The following GCH1 variants were observed in gnomAD, a reference collection of about 807,000 sequenced individuals.
GCH1 encodes GTP cyclohydrolase 1.
GCH1 carries 5 observed loss-of-function variants against 25.9 expected under a neutral mutation model. The observed-to-expected ratio is 0.19, with a 90% CI of 0.10 to 0.41. The LOEUF (loss-of-function observed/expected upper bound fraction) is 0.41, where lower values mean the gene tolerates loss of function less well. GCH1 is among the 10% of genes least tolerant of loss of function. The pLI, the probability that GCH1 is intolerant of heterozygous loss-of-function variation, is 1.00. For synonymous variants in GCH1, 159 were observed against 129.6 expected (o/e 1.23, Z -1.54); for missense variants, 261 against 336.5 (o/e 0.78, Z 1.75).
chr14:54,869,336 G>A (rs148038271), intron 1 of GCH1, among the ~76,000 whole-genome samples: 1 of 152,258 alleles, frequency 6.6e-6, no homozygotes, highest in East Asian at 1.9e-4. Flanking sequence ...ACCATGCCCA[G>A]CCAGTATTAA....
chr14:54,894,322 A>C (rs559781252), intron 1 of GCH1, among the ~76,000 whole-genome samples: 50 of 152,278 alleles, frequency 3.3e-4, no homozygotes, highest in African/African-American at 1.2e-3. Context: ...CAGCGACTGG[A>C]GTGACGCAGC....
Position 54,902,510 on chromosome 14 carries a change from C to A in GCH1, c.154G>T (p.Gly52Cys), listed in dbSNP as rs375788167. ...PEAKSAQPAD[G>C]WKGERPRSEE... is the part of the protein sequence containing the mutation. Reference sequence around the variant, plus strand: ...CTGCGGGGCCGCTCGCCCTTCCAGCCGTCCGCGGGCTGCGCGCTCTTGGCC... The same window carrying A: ...CTGCGGGGCCGCTCGCCCTTCCAGCAGTCCGCGGGCTGCGCGCTCTTGGCC... Residue 52 changes from glycine (G) to cysteine (C), a missense_variant, in exon 1 of 6, where the codon GGC (glycine) becomes TGC (cysteine). Around this residue, in one of 3 missense-constraint regions of GCH1, gnomAD observed 125 missense variants for 128.7 expected, o/e 0.97. Coordinates refer to ENST00000491895, the MANE Select transcript of GCH1 (RefSeq NM_000161.3). 2.5e-6 allele frequency: 4 copies of A among 1,598,860 alleles called. No individual in the cohort carries two copies. Among genetic ancestry groups the A allele is most frequent in the Non-Finnish European group, 3.4e-6 (4 of 1,174,300 alleles).
intron 1 of GCH1, chr14:54,878,088 C>G (rs1214409688): frequency 6.5e-6 from 1 of 154,672 alleles, no homozygotes; most frequent in Non-Finnish European, 1.5e-5. Flanking sequence ...ACAAACAGAC[C>G]TGTTTCTGCT....
At chr14:54,865,820 T>C (rs921484387) in intron 1 of GCH1, among the ~76,000 whole-genome samples, 18 of 152,190 alleles carry the variant, frequency 1.2e-4, no homozygotes, top group African/African-American at 4.1e-4. Flanking sequence ...ATAATCAATA[T>C]GTAGAAAACC....
At chr14:54,895,395 G>A (rs1173319303) in intron 1 of GCH1, among the ~76,000 whole-genome samples, 1 of 152,172 alleles carries the variant, frequency 6.6e-6, no homozygotes, top group Non-Finnish European at 1.5e-5. Context: ...ACTTTAACTG[G>A]AAATGTGACA....
At chr14:54,863,797 T>G (rs1454533995) in intron 2 of GCH1, among the ~76,000 whole-genome samples, 1 of 152,076 alleles carries the variant, frequency 6.6e-6, no homozygotes. Context: ...AGAAAAGAAA[T>G]GAGGTGAGCT....
intron 3 of GCH1, among the ~76,000 whole-genome samples, chr14:54,852,175 A>G (rs149708399): frequency 6.6e-6 from 1 of 152,184 alleles, no homozygotes; most frequent in African/African-American, 2.4e-5. Context: ...GAACAAAACA[A>G]ATTTTACCCT....
intron 1 of GCH1, among the ~76,000 whole-genome samples, chr14:54,869,652 G>A (rs1157603415): frequency 3.3e-5 from 5 of 152,080 alleles, no homozygotes; most frequent in African/African-American, 1.2e-4. Context: ...AGCTAATTTT[G>A]TATTTTTAGT....
chr14:54,896,319 T>C (rs921834933), intron 1 of GCH1, among the ~76,000 whole-genome samples: 1 of 152,168 alleles, frequency 6.6e-6, no homozygotes, highest in African/African-American at 2.4e-5. Context: ...GACCTAAAGA[T>C]GTGGGTTCCC....
intron 2 of GCH1, among the ~76,000 whole-genome samples, chr14:54,862,968 A>G (rs150299870): frequency 1.1e-4 from 16 of 152,208 alleles, no homozygotes; most frequent in East Asian, 3.9e-4. Flanking sequence ...ACCAAATGCA[A>G]TGTAAATACA....
chr14:54,866,035 C>G (rs1273508164), intron 1 of GCH1, among the ~76,000 whole-genome samples: 1 of 151,820 alleles, frequency 6.6e-6, no homozygotes, highest in Non-Finnish European at 1.5e-5. Flanking sequence ...ATATGCCTCT[C>G]TGGGAAGGCT....
chr14:54,880,518 CATATATAT>C (rs200255096), intron 1 of GCH1, among the ~76,000 whole-genome samples: 381 of 29,054 alleles, frequency 0.013, 85 homozygotes, highest in African/African-American at 0.088. Context: ...ATATATACTC[CATATATAT>C]ATATATACTC....
chr14:54,889,373 T>A (rs930174773), intron 1 of GCH1, among the ~76,000 whole-genome samples: 1 of 152,238 alleles, frequency 6.6e-6, no homozygotes, highest in Non-Finnish European at 1.5e-5. Flanking sequence ...TTTAAGCTAT[T>A]TTAGTGAGAG....
At chr14:54,859,965 T>C (rs944173387) in intron 2 of GCH1, among the ~76,000 whole-genome samples, 2 of 152,234 alleles carry the variant, frequency 1.3e-5, no homozygotes, top group African/African-American at 4.8e-5. Context: ...TATGAGTCTA[T>C]TAATCAAATA....
chr14:54,860,302 C>G (rs1056443318), intron 2 of GCH1, among the ~76,000 whole-genome samples: 1 of 152,130 alleles, frequency 6.6e-6, no homozygotes, highest in African/African-American at 2.4e-5. Context: ...GGAGGAGAAA[C>G]ATTCTCAAGG....
At chr14:54,877,279 T>C (rs1210013225) in intron 1 of GCH1, among the ~76,000 whole-genome samples, 1 of 152,146 alleles carries the variant, frequency 6.6e-6, no homozygotes, top group African/African-American at 2.4e-5. Context: ...CTACGGTTGG[T>C]CACAACCACA....
chr14:54,844,008 G>A lies in GCH1; in HGVS notation c.*9C>T. 6 of 1,614,160 alleles carry A rather than the reference G, an allele frequency of 3.7e-6. No individual in the cohort carries two copies. The highest frequency in any genetic ancestry group is 5.1e-6 in the Non-Finnish European group (6 of 1,179,994). ...GATCGGCAACCAACGCACACACACT[G>A]AATGAAGCTCAGCTCCTAATGAGAG... On this transcript the variant is annotated 3_prime_UTR_variant, in exon 6 of 6. Transcript: ENST00000491895.
Position 54,887,551 on chromosome 14 carries a change from A to C in GCH1, c.343+14770T>G, listed in dbSNP as rs528395292. On this transcript the variant is annotated intron_variant, in intron 1 of 5. Transcript: ENST00000491895. ...AGATTAAAACGTAATAATCAAATGC[A>C]AATGTATGGACCTTGAGTGGATCCT... Among the ~76,000 whole-genome samples the C allele has an allele frequency of 6.6e-5, 10 of 152,342 alleles. No individual in the cohort carries two copies. In the South Asian group the frequency reaches 2.1e-3, roughly 32 times the overall value.
intron 1 of GCH1, among the ~76,000 whole-genome samples, chr14:54,895,895 C>G (rs1207639342): frequency 4.6e-5 from 7 of 152,160 alleles, no homozygotes; most frequent in Admixed American, 4.6e-4. Context: ...TGACACCACC[C>G]TGGTCACAGA....
Sources: allele counts gnomAD v4.1 joint callset (sites outside exome capture counted in the v4.1 genomes callset), GRCh38; gene constraint gnomAD v4.1.1; regional missense constraint gnomAD v4.1.1; transcripts MANE v1.5; gene names NCBI Gene and HGNC (gene_info 2026-07-23, HGNC 2026-07-21).